The following ZNF433 variants were observed in gnomAD, a reference collection of about 807,000 sequenced individuals.
ZNF433 encodes the protein zinc finger protein 433.
ZNF433 carries 12 observed loss-of-function variants against 10.6 expected under a neutral mutation model. The ratio of observed to expected loss-of-function variants is 1.13; its 90% CI spans 0.72 to 1.83. ZNF433 has a LOEUF of 1.83. Ranked by LOEUF, ZNF433 falls within the 40% of genes most tolerant of loss-of-function variation. The probability of loss-of-function intolerance (pLI) is 0.00; values close to 1 mark genes in which losing one functional copy is unlikely to be tolerated. For synonymous variants in ZNF433, 272 were observed against 271.3 expected, an observed-to-expected ratio of 1.00 and a Z score of -0.02; for missense variants, 737 against 798.0, an observed-to-expected ratio of 0.92 and a Z score of 0.92.
At position 12,016,655 on chromosome 19, in the gene ZNF433, T is replaced by C; in HGVS notation, c.203A>G (p.Glu68Gly). 6.2e-7 allele frequency: 1 copy of C among 1,613,540 alleles called. No individual in the cohort carries two copies. The highest frequency in any genetic ancestry group is 2.2e-5 in the East Asian group (1 of 44,878). ...ACCTTCTTTACTTTCAAAGAGTCTC[T>C]CTCCCACAATTCTGTGAACAATAAG... ...NLRRNLRIVG[E>G]RLFESKEGHQ... Residue 68 changes from glutamate (E) to glycine (G), a missense_variant, in exon 4 of 4, where the codon GAG (glutamate) becomes GGG (glycine). Transcript: ENST00000550507.
At chr19:12,029,521 CAAAAAAAAAAAAAAA>C (rs55659942) in intron 1 of ZNF433, among the ~76,000 whole-genome samples, 2 of 48,424 alleles carry the variant, frequency 4.1e-5, no homozygotes, top group African/African-American at 1.6e-4. Context: ...GACTCTGTCT[CAAAAAAAAAAAAAAA>C]AAAAAAAAAA....
At chr19:12,028,470 CA>C (rs1974844779) in intron 1 of ZNF433, among the ~76,000 whole-genome samples, 2 of 152,268 alleles carry the variant, frequency 1.3e-5, no homozygotes, top group South Asian at 4.1e-4. Context: ...CAATAATTAT[CA>C]TTCGCAATAC....
chr19:12,018,107 A>AG (rs1974303193), intron 2 of ZNF433, 59 bp downstream of exon 2: 1 of 1,448,872 alleles, frequency 6.9e-7, no homozygotes, highest in Middle Eastern at 1.8e-4. Flanking sequence ...ACTTGTTCTC[A>AG]GAAAAAAAAA....
chr19:12,018,023 G>T, intron 2 of ZNF433, 87 bp from the exon 3 acceptor site: 1 of 1,280,210 alleles, frequency 7.8e-7, no homozygotes, highest in Non-Finnish European at 1.1e-6. Context: ...TACACTGCAA[G>T]CATGCTTCCT....
chr19:12,022,230 G>A, intron 1 of ZNF433: 1 of 328,044 alleles, frequency 3.0e-6, no homozygotes, highest in Non-Finnish European at 6.3e-6. Context: ...CTGCCTTAAG[G>A]ACGTGTTCCT....
Position 12,017,356 on chromosome 19 carries a change from C to T in ZNF433, c.191+520G>A, listed in dbSNP as rs1386124159. On this transcript the variant is annotated intron_variant, in intron 3 of 3. Transcript: ENST00000550507. ...TAGCTGGGATAACAGGTGTCCACCA[C>T]GATGCCTGGCTAATTTTTATATTTT... Among the ~76,000 whole-genome samples the T allele has an allele frequency of 8.6e-5, 13 of 151,992 alleles. No individual in the cohort carries two copies. In the South Asian group the frequency reaches 1.7e-3, roughly 19 times the overall value.
At chr19:12,020,043 G>A (rs1389990432) in intron 1 of ZNF433, among the ~76,000 whole-genome samples, 1 of 152,202 alleles carries the variant, frequency 6.6e-6, no homozygotes, top group African/African-American at 2.4e-5. Flanking sequence ...AGTCCGAGGT[G>A]GGCGGATGAC....
chr19:12,027,122 C>G (rs773597446), intron 1 of ZNF433: 2 of 451,560 alleles, frequency 4.4e-6, no homozygotes, highest in South Asian at 3.1e-5. Context: ...GACCTTAATG[C>G]CAGGAACTGG....
At chr19:12,031,323 A>T (rs1975018199) in intron 1 of ZNF433, among the ~76,000 whole-genome samples, 1 of 149,618 alleles carries the variant, frequency 6.7e-6, no homozygotes, top group Admixed American at 6.6e-5. Flanking sequence ...AAACAAAAAA[A>T]AAAACAAAGC....
intron 1 of ZNF433, among the ~76,000 whole-genome samples, chr19:12,029,200 A>T (rs1468218429): frequency 6.6e-6 from 1 of 152,136 alleles, no homozygotes; most frequent in East Asian, 1.9e-4. Flanking sequence ...CTACTTCTAA[A>T]CACTGAAATA....
At position 12,018,265 on chromosome 19, in the gene ZNF433, C is replaced by G; in HGVS notation, c.31G>C (p.Val11Leu). Residue 11 changes from valine (V) to leucine (L), a missense_variant, in exon 2 of 4, where the codon GTG becomes CTG. Val to Leu is a conservative substitution (Grantham distance 32). Transcript: ENST00000550507. ...GCCCACTCCTCTTGGGTGAAGGTCA[C>G]AGCCACATCCTCAAAGGCCACTGAA... MDSVAFEDVA[V>L]TFTQEEWALL... The G allele has an allele frequency of 6.2e-7, 1 of 1,613,700 alleles. No individual in the cohort carries two copies. The highest frequency in any genetic ancestry group is 8.5e-7 in the Non-Finnish European group (1 of 1,179,848).
At position 12,018,452 on chromosome 19, in the gene ZNF433, A is replaced by G. The variant is rs549664858; in HGVS notation, c.4-160T>C. The G allele has an allele frequency of 5.8e-5, 45 of 777,868 alleles. No homozygotes were observed. The African/African-American group carries it at 7.7e-4, about 13-fold the overall frequency. 48.2% of individuals were successfully genotyped at this position (777,868 alleles called of 1,614,324 possible). A position where few individuals can be genotyped will look rare whatever the true frequency, so the allele number is the denominator to read the frequency against. On this transcript the variant is annotated intron_variant, in intron 1 of 3. Transcript: ENST00000550507. Reference sequence around the variant, plus strand: ...TCTGTCTACACTCAGTTTCTTCCATAAAGTAATTCTGAGGCTACAACTGAA... The same window carrying G: ...TCTGTCTACACTCAGTTTCTTCCATGAAGTAATTCTGAGGCTACAACTGAA...
At position 12,027,629 on chromosome 19, in the gene ZNF433, C is replaced by T. The variant is rs28729564; in HGVS notation, c.3+7908G>A. Among the ~76,000 whole-genome samples the T allele has an allele frequency of 6.3e-3, 957 of 152,352 alleles. 5 individuals carry two copies. The highest frequency in any genetic ancestry group is 0.022 in the African/African-American group (914 of 41,586). Reference sequence around the variant, plus strand: ...GGAATATTTTTAGTTAATCTATAATCTACAGAAACAATGCATATCACTGGC... The same window carrying T: ...GGAATATTTTTAGTTAATCTATAATTTACAGAAACAATGCATATCACTGGC... On this transcript the variant is annotated intron_variant, in intron 1 of 3. Transcript: ENST00000550507.
chr19:12,016,063 G>A lies in ZNF433; in HGVS notation c.795C>T (p.Cys265=), dbSNP rs757582796. The change falls in exon 4 of 4, where the codon TGC becomes TGT. Residue 265 remains cysteine, a synonymous_variant. Coordinates refer to ENST00000550507, the MANE Select transcript of ZNF433 (RefSeq NM_001308348.2). ...TGTGAGTTCTTTTATGAGCATGAAG[G>A]CATGTGGAACTATGGAATGCTTTCC... is the stretch of plus-strand genomic sequence containing the variant. The part of the protein sequence containing the change: ...ECGKAFHSST[C]LHAHKRTHTG... 8 of 1,614,034 alleles carry A rather than the reference G, an allele frequency of 5.0e-6. No individual in the cohort carries two copies. Among genetic ancestry groups the A allele is most frequent in the Non-Finnish European group, 6.8e-6 (8 of 1,180,006 alleles).
intron 1 of ZNF433, chr19:12,025,848 T>A (rs1454796023): frequency 6.6e-6 from 1 of 152,226 alleles, no homozygotes. Context: ...AGCTACATTT[T>A]TCTCCATATG....
chr19:12,030,081 CAAA>C (rs74180055), intron 1 of ZNF433: 6,618 of 199,948 alleles, frequency 0.033, no homozygotes, highest in South Asian at 0.035. Flanking sequence ...GACTCCATCT[CAAA>C]AAAAAAAAAA....
rs550184979 is a variant in ZNF433 at position 12,034,639 on chromosome 19, T to C, written c.3+898A>G. ...ACAAAATCTAAAGAAACAGGTCTTTTGTTTTGGGTGGGATGAAATCATATG... is the reference window on the plus strand; with the variant it reads ...ACAAAATCTAAAGAAACAGGTCTTTCGTTTTGGGTGGGATGAAATCATATG... On this transcript the variant is annotated intron_variant, in intron 1 of 3. Coordinates refer to ENST00000550507, the MANE Select transcript of ZNF433 (RefSeq NM_001308348.2). 1.3e-5 allele frequency: 4 copies of C among 311,788 alleles called. No individual in the cohort carries two copies. In the East Asian group the frequency reaches 3.1e-4, roughly 24 times the overall value. The allele number at this position is 311,788 out of a possible 1,614,324, so 19.3% of individuals were successfully genotyped here. A position where few individuals can be genotyped will look rare whatever the true frequency, so the allele number is the denominator to read the frequency against.
chr19:12,031,424 C>T (rs1975023839), intron 1 of ZNF433, among the ~76,000 whole-genome samples: 1 of 151,794 alleles, frequency 6.6e-6, no homozygotes. Flanking sequence ...CAAGAAGGGG[C>T]GGATCACTTG....
At chr19:12,020,768 T>C (rs1221432891) in intron 1 of ZNF433, among the ~76,000 whole-genome samples, 2 of 151,548 alleles carry the variant, frequency 1.3e-5, no homozygotes. Flanking sequence ...AACACAAAAA[T>C]TAGCTGAGTG....
Sources: gnomAD v4.1 joint callset for allele counts (sites outside exome capture counted in the v4.1 genomes callset) on GRCh38, gnomAD v4.1.1 for gene constraint, MANE v1.5 for transcripts, NCBI Gene and HGNC (gene_info 2026-07-23, HGNC 2026-07-21) for gene names.